KCND2: variants seen among roughly 807,000 people sequenced by gnomAD.
KCND2 encodes A-type voltage-gated potassium channel KCND2.
Under a neutral mutation model 54.4 loss-of-function variants are expected in KCND2, and 16 were observed. The ratio of observed to expected loss-of-function variants is 0.29; its 90% confidence interval spans 0.20 to 0.45. The LOEUF is 0.45. Ranked by LOEUF, KCND2 falls within the 20% of genes least tolerant of loss-of-function variation. The probability of loss-of-function intolerance (pLI) is 1.00; values close to 1 mark genes in which losing one functional copy is unlikely to be tolerated. For synonymous variants in KCND2, 317 were observed against 310.7 expected, an observed-to-expected ratio of 1.02 and a Z score of -0.21; for missense variants, 486 against 824.2, an observed-to-expected ratio of 0.59 and a Z score of 5.02.
At chr7:120,516,885 T>C (rs1280199628) in intron 1 of KCND2, among the ~76,000 whole-genome samples, 1 of 152,150 alleles carries the variant, frequency 6.6e-6, no homozygotes, top group Non-Finnish European at 1.5e-5. Context: ...TAACAATTAA[T>C]GTGAACAGGC....
chr7:120,656,775 T>TTGTG (rs1182980313), intron 1 of KCND2, among the ~76,000 whole-genome samples: 5 of 152,214 alleles, frequency 3.3e-5, no homozygotes, highest in Admixed American at 6.5e-5. Context: ...TTCTTTCACC[T>TTGTG]TGTGCAAAAT....
At chr7:120,377,675 G>C (rs971352532) in intron 1 of KCND2, among the ~76,000 whole-genome samples, 2 of 151,776 alleles carry the variant, frequency 1.3e-5, no homozygotes, top group Admixed American at 6.6e-5. Flanking sequence ...ATTTTTATTT[G>C]TAAGAATGGG....
chr7:120,387,026 T>G (rs968152778), intron 1 of KCND2, among the ~76,000 whole-genome samples: 2 of 152,104 alleles, frequency 1.3e-5, no homozygotes, highest in Non-Finnish European at 2.9e-5. Context: ...TTCAGGATAT[T>G]TATCACTGTC....
intron 1 of KCND2, among the ~76,000 whole-genome samples, chr7:120,431,142 A>G (rs543411449): frequency 1.3e-5 from 2 of 152,314 alleles, no homozygotes; most frequent in East Asian, 3.9e-4. Flanking sequence ...TGATTCATCA[A>G]TGTCAAAGCA....
chr7:120,522,117 T>C (rs1398823127), intron 1 of KCND2, among the ~76,000 whole-genome samples: 2 of 152,270 alleles, frequency 1.3e-5, no homozygotes, highest in Non-Finnish European at 2.9e-5. Context: ...GGGCCTCCCT[T>C]TATGGTTTTC....
At chr7:120,322,273 A>G (rs1265395795) in intron 1 of KCND2, among the ~76,000 whole-genome samples, 2 of 152,104 alleles carry the variant, frequency 1.3e-5, no homozygotes, top group East Asian at 1.9e-4. Flanking sequence ...TTTAATAGGC[A>G]TATAACATTT....
chr7:120,579,645 T>TAAATAAAA (rs1207743303), intron 1 of KCND2, among the ~76,000 whole-genome samples: 2 of 131,924 alleles, frequency 1.5e-5, no homozygotes, highest in African/African-American at 6.1e-5. Context: ...AATAAATAAA[T>TAAATAAAA]AAAATAAAAT....
intron 1 of KCND2, among the ~76,000 whole-genome samples, chr7:120,634,107 A>G (rs1423782199): frequency 6.6e-6 from 1 of 152,172 alleles, no homozygotes; most frequent in South Asian, 2.1e-4. Context: ...TGTGATATTG[A>G]TCAAATCAAT....
chr7:120,469,966 G>A (rs975340906), intron 1 of KCND2, among the ~76,000 whole-genome samples: 1 of 152,062 alleles, frequency 6.6e-6, no homozygotes, highest in East Asian at 1.9e-4. Context: ...TAAGAATATC[G>A]GCTGAGCATT....
intron 1 of KCND2, among the ~76,000 whole-genome samples, chr7:120,288,244 C>T (rs984469202): frequency 1.3e-5 from 2 of 151,988 alleles, no homozygotes; most frequent in East Asian, 1.9e-4. Context: ...GAGGAGCTTA[C>T]GAAAAAGAAG....
At chr7:120,471,238 GTTA>G (rs1226751739) in intron 1 of KCND2, among the ~76,000 whole-genome samples, 1 of 151,976 alleles carries the variant, frequency 6.6e-6, no homozygotes, top group East Asian at 1.9e-4. Flanking sequence ...GGAAACTTAA[GTTA>G]TTATCTTTGT....
intron 1 of KCND2, among the ~76,000 whole-genome samples, chr7:120,701,174 A>G (rs1050400094): frequency 1.4e-5 from 2 of 142,790 alleles, no homozygotes; most frequent in Admixed American, 7.5e-5. Flanking sequence ...TTCACTGGCC[A>G]GAGCTTAGAC....
intron 1 of KCND2, among the ~76,000 whole-genome samples, chr7:120,506,565 A>C (rs1046910246): frequency 2.0e-5 from 3 of 151,882 alleles, no homozygotes; most frequent in African/African-American, 7.2e-5. Flanking sequence ...ATTAGACCAA[A>C]CTTACAAAAC....
chr7:120,664,037 T>C (rs1400444455), intron 1 of KCND2, among the ~76,000 whole-genome samples: 15 of 150,452 alleles, frequency 1.0e-4, no homozygotes, highest in Admixed American at 9.9e-4. Flanking sequence ...ATACCAAATC[T>C]CTTTTCCCAA....
chr7:120,601,009 T>A (rs1792806978), intron 1 of KCND2, among the ~76,000 whole-genome samples: 1 of 152,148 alleles, frequency 6.6e-6, no homozygotes, highest in Admixed American at 6.6e-5. Flanking sequence ...ATTCACTCTT[T>A]ATCTGATGAG....
At chr7:120,514,077 G>A (rs1803160808) in intron 1 of KCND2, among the ~76,000 whole-genome samples, 1 of 152,064 alleles carries the variant, frequency 6.6e-6, no homozygotes, top group African/African-American at 2.4e-5. Context: ...ATATATACTA[G>A]AAGGACTAAG....
intron 1 of KCND2, among the ~76,000 whole-genome samples, chr7:120,696,706 A>G (rs1792337062): frequency 6.6e-6 from 1 of 152,188 alleles, no homozygotes; most frequent in Non-Finnish European, 1.5e-5. Context: ...TGAGTTCTTC[A>G]GCCACCACTT....
intron 2 of KCND2, among the ~76,000 whole-genome samples, chr7:120,736,303 A>G (rs1384293856): frequency 6.6e-6 from 1 of 152,012 alleles, no homozygotes; most frequent in East Asian, 1.9e-4. Flanking sequence ...CAGGGAATAC[A>G]TGGTTTACCC....
chr7:120,439,354 A>C (rs1164163387), intron 1 of KCND2, among the ~76,000 whole-genome samples: 1 of 152,052 alleles, frequency 6.6e-6, no homozygotes, highest in East Asian at 1.9e-4. Flanking sequence ...CCAAACACAG[A>C]AGCACTTTTT....
Sources: gnomAD v4.1 joint callset for allele counts (sites outside exome capture counted in the v4.1 genomes callset) on GRCh38, gnomAD v4.1.1 for gene constraint, MANE v1.5 for transcripts, NCBI Gene and HGNC (gene_info 2026-07-23, HGNC 2026-07-21) for gene names.